The following KIF7 variants were observed in gnomAD, a reference collection of about 807,000 sequenced individuals.
KIF7 encodes kinesin family member 7.
Under a neutral mutation model 135.7 loss-of-function variants are expected in KIF7, and 104 were observed. That is an observed-to-expected ratio of 0.77 (90% CI 0.65 to 0.90). The LOEUF (loss-of-function observed/expected upper bound fraction) is 0.90. Among genes scored for constraint, KIF7 ranks in the 40% least tolerant of loss-of-function variants. KIF7 has a pLI of 0.00. For missense variants in KIF7, 2,005 were observed against 1,839.1 expected (o/e 1.09, Z -1.65); for synonymous variants, 883 against 809.4 (o/e 1.09, Z -1.54).
chr15:89,651,700 T>TTTGC (rs1366958416), intron 2 of KIF7, among the ~76,000 whole-genome samples: 1 of 152,204 alleles, frequency 6.6e-6, no homozygotes, highest in Non-Finnish European at 1.5e-5. Context: ...GTGCATGTGT[T>TTTGC]TTGCTGTATT....
chr15:89,634,599 A>C (rs2350481), intron 11 of KIF7, among the ~76,000 whole-genome samples: 128,789 of 152,190 alleles, frequency 0.85, 54,955 homozygotes, highest in Non-Finnish European at 0.92. Flanking sequence ...CACTCCCACC[A>C]GAATACTGCG....
At chr15:89,657,289 TGA>T (rs1232676573), upstream of KIF7, among the ~76,000 whole-genome samples, 1 of 121,032 alleles carries the variant, frequency 8.3e-6, no homozygotes, top group Non-Finnish European at 1.6e-5. Flanking sequence ...CCAACCTGTG[TGA>T]GAGAGTGAGA....
chr15:89,634,114 CAT>C (rs1262167562), intron 11 of KIF7, among the ~76,000 whole-genome samples: 4 of 152,172 alleles, frequency 2.6e-5, no homozygotes, highest in African/African-American at 7.2e-5. Flanking sequence ...ACCTGGCCAA[CAT>C]AGTGAAATCC....
downstream of KIF7, among the ~76,000 whole-genome samples, chr15:89,623,377 A>G (rs557612760): frequency 4.5e-4 from 69 of 152,262 alleles, no homozygotes; most frequent in African/African-American, 1.6e-3. Context: ...AGCAATATGT[A>G]GATTATTAAA....
chr15:89,620,356 G>A (rs1380232658), intron 1 of KIF7, among the ~76,000 whole-genome samples: 1 of 152,086 alleles, frequency 6.6e-6, no homozygotes, highest in Non-Finnish European at 1.5e-5. Flanking sequence ...CTACAGGCAT[G>A]CACCACCACG....
rs537735484 is a variant in KIF7, at chr15:89,628,483, T to C, written c.3968A>G (p.Lys1323Arg). The C allele has an allele frequency of 5.0e-6, 8 of 1,612,020 alleles. No homozygotes were observed. The highest frequency in any genetic ancestry group is 4.5e-5 in the East Asian group (2 of 44,838). The change falls in exon 19 of 19, where the codon AAG (lysine) becomes AGG (arginine). Residue 1323 changes from lysine (K) to arginine (R), a missense_variant. Transcript: ENST00000394412. Reference sequence around the variant, plus strand: ...GGCTCGTCGCAGTTCCCGCCGGGGCTTGGACAAAGGCCCAAAGTTCCAGGG... The same window carrying C: ...GGCTCGTCGCAGTTCCCGCCGGGGCCTGGACAAAGGCCCAAAGTTCCAGGG... The part of the protein sequence containing the change: ...GLPWNFGPLS[K>R]PRRELRRASP...
At position 89,628,748 on chromosome 15, in the gene KIF7, C is replaced by T; in HGVS notation, c.3703G>A (p.Ala1235Thr). ...KRSLCSEGRQAPGNEDELHLA... is the reference protein window; with the variant it reads ...KRSLCSEGRQTPGNEDELHLA... ...TGGAGCTCATCTTCATTTCCAGGAG[C>T]CTGTCTGCCCTCCGAGCACAGGCTC... The change falls in exon 19 of 19, where the codon GCT (alanine) becomes ACT (threonine). Residue 1235 changes from alanine (A) to threonine (T), a missense_variant. By Grantham distance (58) the Ala-to-Thr change is moderately conservative (BLOSUM62 0). Transcript: ENST00000394412. The T allele has an allele frequency of 6.2e-7, 1 of 1,612,582 alleles. No individual in the cohort carries two copies. Among genetic ancestry groups the T allele is most frequent in the East Asian group, 2.2e-5 (1 of 44,826 alleles).
At chr15:89,648,951 A>G (rs1160708057) in intron 4 of KIF7, 23 bp downstream of exon 4, 6 of 1,517,564 alleles carry the variant, frequency 4.0e-6, no homozygotes, top group Non-Finnish European at 5.3e-6. Flanking sequence ...CCCAGGCCAC[A>G]TAGGAGCCAG....
rs938544948 is a variant in KIF7, at chr15:89,646,082, C to T, written c.1789-56G>A. On this transcript the variant is annotated intron_variant, in intron 7 of 18. Coordinates refer to ENST00000394412, the MANE Select transcript of KIF7 (RefSeq NM_198525.3). ...TCATCATCCCTGCGATATACCCCAC[C>T]TTGCCTGCCCTCCTCATATCTCTCC... is the stretch of plus-strand genomic sequence containing the variant. 3.8e-5 allele frequency: 61 copies of T among 1,605,346 alleles called. No homozygotes were observed. The African/African-American group carries it at 4.4e-4, about 12-fold the overall frequency.
rs886041531 is a variant in KIF7, at chr15:89,648,591, CG to C, written c.1106del (p.Ala369GlyfsTer86). On this transcript the variant is annotated frameshift_variant, in exon 5 of 19. Coordinates refer to ENST00000394412, the MANE Select transcript of KIF7 (RefSeq NM_198525.3). LOFTEE classifies it high-confidence loss of function. ...GCCGTGGCGGACCCCGCGCGCCGCT[CG>C]CCGTCTCTTCGGGTGGCCGCTCGGC... ...PEAERPPEET[A>X]SGARGPPRHR... is the part of the protein sequence containing the mutation. The C allele has an allele frequency of 2.0e-6, 3 of 1,524,454 alleles. No individual in the cohort carries two copies. In the African/African-American group the frequency reaches 4.2e-5, roughly 21 times the overall value. 94.4% of individuals were successfully genotyped at this position (1,524,454 alleles called of 1,614,324 possible).
chr15:89,642,719 G>A, intron 10 of KIF7, among the ~76,000 whole-genome samples: 2 of 152,168 alleles, frequency 1.3e-5, no homozygotes, highest in Admixed American at 1.3e-4. Flanking sequence ...ACAGGCACGT[G>A]CCACTACACC....
downstream of KIF7, chr15:89,623,753 C>A: frequency 6.2e-7 from 1 of 1,614,114 alleles, no homozygotes; most frequent in Non-Finnish European, 8.5e-7. Flanking sequence ...ATGACCCCTA[C>A]AAAGCAGGCA....
At chr15:89,619,298 T>C (rs1055197035) in intron 1 of KIF7, among the ~76,000 whole-genome samples, 3 of 139,716 alleles carry the variant, frequency 2.1e-5, no homozygotes, top group Non-Finnish European at 4.6e-5. Flanking sequence ...TGCTCTCCGC[T>C]CACTGCAACC....
chr15:89,645,749 G>A, intron 8 of KIF7, 144 bp downstream of exon 8: 1 of 1,165,632 alleles, frequency 8.6e-7, no homozygotes. Flanking sequence ...CTCCCCCAGG[G>A]GCTGGCCAGG....
At chr15:89,625,247 C>T (rs1963498952), downstream of KIF7, 1 of 1,613,402 alleles carries the variant, frequency 6.2e-7, no homozygotes, top group African/African-American at 1.3e-5. Flanking sequence ...ATCTGCCAGG[C>T]CTGTACCCCC....
chr15:89,654,157 C>G (rs1300503092), intron 1 of KIF7, among the ~76,000 whole-genome samples: 1 of 152,032 alleles, frequency 6.6e-6, no homozygotes, highest in Non-Finnish European at 1.5e-5. Flanking sequence ...CTACAGGCGC[C>G]CGCCACCACG....
chr15:89,636,302 T>C (rs200805042), intron 11 of KIF7, among the ~76,000 whole-genome samples: 67,204 of 140,744 alleles, frequency 0.48, 14,653 homozygotes, highest in Non-Finnish European at 0.55. Context: ...AACATCATAA[T>C]GACAGGATCA....
downstream of KIF7, chr15:89,624,789 A>G: frequency 6.2e-7 from 1 of 1,614,236 alleles, no homozygotes; most frequent in South Asian, 1.1e-5. Context: ...GGCTAAGGAC[A>G]GCAGATGCTG....
At position 89,648,977 on chromosome 15, in the gene KIF7, G is replaced by C. The variant is rs1287072764; in HGVS notation, c.920C>G (p.Thr307Ser). The C allele has an allele frequency of 1.3e-6, 2 of 1,536,064 alleles. No individual in the cohort carries two copies. Among genetic ancestry groups the C allele is most frequent in the Non-Finnish European group, 1.8e-6 (2 of 1,139,704 alleles). The change falls in exon 4 of 19, where the codon ACC becomes AGC. Residue 307 changes from threonine to serine, a missense_variant. Thr to Ser is a moderately conservative substitution (Grantham distance 58). Transcript: ENST00000394412. ...TAGGAGCCAGGGGGCAGCTCACCGG[G>C]TGATCTTGGAGTCGCGGTAGGGTAT... ...SHIPYRDSKI[T>S]RILKDSLGGN...
Sources: allele counts gnomAD v4.1 joint callset (sites outside exome capture counted in the v4.1 genomes callset), GRCh38; gene constraint gnomAD v4.1.1; transcripts MANE v1.5; gene names NCBI Gene and HGNC (gene_info 2026-07-23, HGNC 2026-07-21).